The following GRIN2A variants were observed in gnomAD, a reference collection of about 807,000 sequenced individuals.
GRIN2A encodes the protein glutamate receptor ionotropic, NMDA 2A.
GRIN2A carries 22 observed loss-of-function variants against 113.4 expected under a neutral mutation model. That is an observed-to-expected ratio of 0.19 (90% CI 0.14 to 0.28). The LOEUF (loss-of-function observed/expected upper bound fraction) is 0.28. GRIN2A is among the 10% of genes least tolerant of loss of function. The pLI, the probability that GRIN2A is intolerant of heterozygous loss-of-function variation, is 1.00. For missense variants in GRIN2A, 1,502 were observed against 1,887.0 expected (o/e 0.80, Z 3.78); for synonymous variants, 827 against 738.4 (o/e 1.12, Z -1.94).
chr16:10,180,508 CT>C lies in GRIN2A; in HGVS notation c.-18-80del. The C allele has an allele frequency of 6.5e-7, 1 of 1,534,440 alleles. No individual in the cohort carries two copies. Among genetic ancestry groups the C allele is most frequent in the Non-Finnish European group, 8.7e-7 (1 of 1,146,206 alleles). ...AAGGGATTACCAACTTGGCTTCCTG[CT>C]CTAGGAGCCAGGCATGGAACTCAGC... On this transcript the variant is annotated intron_variant, in intron 1 of 12. Transcript: ENST00000330684. The surrounding 1 kb of genome is among the most constrained non-coding windows in gnomAD (Gnocchi z 7.0).
chr16:9,992,286 T>A (rs956235805), intron 2 of GRIN2A, among the ~76,000 whole-genome samples: 1 of 152,138 alleles, frequency 6.6e-6, no homozygotes, highest in Non-Finnish European at 1.5e-5. Flanking sequence ...AGCTAGTTTA[T>A]AGAGGAAGCT....
chr16:9,816,541 G>C (rs2042189883), intron 10 of GRIN2A, among the ~76,000 whole-genome samples: 1 of 152,152 alleles, frequency 6.6e-6, no homozygotes, highest in African/African-American at 2.4e-5. Context: ...GAAATATTAG[G>C]CTCTTCGGAG....
At chr16:9,783,710 C>A (rs1197953261) in intron 11 of GRIN2A, among the ~76,000 whole-genome samples, 1 of 152,066 alleles carries the variant, frequency 6.6e-6, no homozygotes, top group Non-Finnish European at 1.5e-5. Context: ...TATCATGGAC[C>A]CCAACTGAGT....
chr16:10,078,869 A>ACTGC (rs2142050325), intron 2 of GRIN2A, among the ~76,000 whole-genome samples: 1 of 152,318 alleles, frequency 6.6e-6, no homozygotes, highest in African/African-American at 2.4e-5. Flanking sequence ...TGGCTGACTG[A>ACTGC]CTGCCTGCCA....
intron 2 of GRIN2A, among the ~76,000 whole-genome samples, chr16:9,939,511 C>G (rs1166910694): frequency 6.6e-6 from 1 of 152,160 alleles, no homozygotes; most frequent in South Asian, 2.1e-4. Context: ...CATCTCCACC[C>G]ATCTACGATT....
At chr16:10,020,626 TATACG>T (rs966004377) in intron 2 of GRIN2A, among the ~76,000 whole-genome samples, 1 of 152,170 alleles carries the variant, frequency 6.6e-6, no homozygotes, top group Non-Finnish European at 1.5e-5. Context: ...TCATACTAGC[TATACG>T]ATACAAGGTT....
intron 2 of GRIN2A, among the ~76,000 whole-genome samples, chr16:10,164,932 T>C (rs1258315721): frequency 6.6e-6 from 1 of 152,188 alleles, no homozygotes; most frequent in Non-Finnish European, 1.5e-5. Context: ...CCAGCCAGAG[T>C]TAAGTGACAG....
intron 4 of GRIN2A, among the ~76,000 whole-genome samples, chr16:9,886,483 G>A (rs994849063): frequency 6.6e-6 from 1 of 152,192 alleles, no homozygotes; most frequent in Non-Finnish European, 1.5e-5. Flanking sequence ...TAAGAGGGAA[G>A]AAAGGAGGTT....
chr16:10,052,461 G>A (rs911552817), intron 2 of GRIN2A, among the ~76,000 whole-genome samples: 3 of 152,150 alleles, frequency 2.0e-5, no homozygotes, highest in Non-Finnish European at 2.9e-5. Flanking sequence ...CAACAGGAAC[G>A]GTCAAGTCCC....
At chr16:9,766,377 G>C (rs1900923690) in intron 12 of GRIN2A, among the ~76,000 whole-genome samples, 1 of 152,176 alleles carries the variant, frequency 6.6e-6, no homozygotes, top group Non-Finnish European at 1.5e-5. Flanking sequence ...TCTTGTAGTA[G>C]ACAGTCTCTC....
rs1201304589 is a variant in GRIN2A at position 9,761,262 on chromosome 16, A to C, written c.*1887T>G. 2 of 230,354 alleles carry C rather than the reference A, an allele frequency of 8.7e-6. No homozygotes were observed. The highest frequency in any genetic ancestry group is 5.7e-5 in the Admixed American group (1 of 17,662). 14.3% of individuals were successfully genotyped at this position (230,354 alleles called of 1,614,324 possible). A position where few individuals can be genotyped will look rare whatever the true frequency, so the allele number is the denominator to read the frequency against. On this transcript the variant is annotated 3_prime_UTR_variant, in exon 13 of 13. Coordinates refer to ENST00000330684, the MANE Select transcript of GRIN2A (RefSeq NM_001134407.3). Reference sequence around the variant, plus strand: ...GGAATCATCCCTGACACTTGCCCACATGCAAGAAAATAATACTTACAAAAC... The same window carrying C: ...GGAATCATCCCTGACACTTGCCCACCTGCAAGAAAATAATACTTACAAAAC...
rs1341196630 is a variant in GRIN2A, at chr16:9,983,471, G to A, written c.415-44920C>T. Among the ~76,000 whole-genome samples, 5 of 146,030 alleles carry A rather than the reference G, an allele frequency of 3.4e-5. No individual in the cohort carries two copies. In the East Asian group the frequency reaches 6.0e-4, roughly 17 times the overall value. On this transcript the variant is annotated intron_variant, in intron 2 of 12. Coordinates refer to ENST00000330684, the MANE Select transcript of GRIN2A (RefSeq NM_001134407.3). ...TTTTTTTTTTTTGAGATGGAGTCTC[G>A]CTTTGTCACCCAGGCTGGAGTGCAG...
chr16:10,131,114 A>T (rs553197831), intron 2 of GRIN2A, among the ~76,000 whole-genome samples: 1 of 152,364 alleles, frequency 6.6e-6, no homozygotes, highest in East Asian at 1.9e-4. Context: ...GATGGAAAAT[A>T]GCGGCAGGGG....
chr16:10,080,269 A>C (rs908581868), intron 2 of GRIN2A, among the ~76,000 whole-genome samples: 1 of 152,184 alleles, frequency 6.6e-6, no homozygotes, highest in Admixed American at 6.5e-5. Context: ...TGAGCAAATA[A>C]ATCAATGAAT....
intron 2 of GRIN2A, among the ~76,000 whole-genome samples, chr16:10,124,718 G>C (rs1207679353): frequency 2.6e-5 from 4 of 152,150 alleles, no homozygotes; most frequent in Admixed American, 6.5e-5. Flanking sequence ...CGTGTGTCAG[G>C]TGTTGTACAA....
intron 3 of GRIN2A, among the ~76,000 whole-genome samples, chr16:9,910,633 G>A (rs1350308249): frequency 1.3e-5 from 2 of 150,934 alleles, no homozygotes; most frequent in African/African-American, 2.4e-5. Context: ...TGCCTCCCAG[G>A]TTTAAGTGAT....
chr16:10,083,876 T>C (rs911546217), intron 2 of GRIN2A, among the ~76,000 whole-genome samples: 2 of 152,142 alleles, frequency 1.3e-5, no homozygotes, highest in Non-Finnish European at 2.9e-5. Flanking sequence ...CCAAGGCAGG[T>C]GGATCACTAA....
intron 11 of GRIN2A, among the ~76,000 whole-genome samples, chr16:9,769,524 C>T (rs182611877): frequency 2.1e-3 from 313 of 147,702 alleles, no homozygotes; most frequent in Non-Finnish European, 3.9e-3. Flanking sequence ...GCCCCCAATA[C>T]CCACCCAAGC....
intron 4 of GRIN2A, among the ~76,000 whole-genome samples, chr16:9,884,112 T>C (rs191625420): frequency 6.6e-6 from 1 of 152,246 alleles, no homozygotes; most frequent in Non-Finnish European, 1.5e-5. Flanking sequence ...CAGTTTAGCT[T>C]TTCCACAGTG....
Sources: allele counts gnomAD v4.1 joint callset (sites outside exome capture counted in the v4.1 genomes callset), GRCh38; gene constraint gnomAD v4.1.1; non-coding constraint Gnocchi (gnomAD v3.1); transcripts MANE v1.5; gene names NCBI Gene and HGNC (gene_info 2026-07-23, HGNC 2026-07-21).